Variants in ZNF385B observed in about 807,000 individuals in gnomAD.
The protein encoded by ZNF385B is zinc finger protein 385B, also known as zinc finger protein 533.
In ZNF385B, 23 loss-of-function variants were observed where a neutral mutation model predicts 39.2. That is an observed-to-expected ratio of 0.59 (90% CI 0.42 to 0.83). The LOEUF is 0.83. Ranked by LOEUF, ZNF385B falls within the 40% of genes least tolerant of loss-of-function variation. The probability of loss-of-function intolerance (pLI) is 0.00; values close to 1 mark genes in which losing one functional copy is unlikely to be tolerated. For synonymous variants in ZNF385B, 205 were observed against 222.6 expected, an observed-to-expected ratio of 0.92 and a Z score of 0.70; for missense variants, 552 against 598.9, an observed-to-expected ratio of 0.92 and a Z score of 0.82.
chr2:179,557,570 ATGT>A (rs2061009939), intron 3 of ZNF385B, among the ~76,000 whole-genome samples: 2 of 92,166 alleles, frequency 2.2e-5, no homozygotes, highest in African/African-American at 4.0e-5. Context: ...TTATATATGT[ATGT>A]TATATACATG....
chr2:179,818,007 G>A (rs1256956067), intron 1 of ZNF385B, among the ~76,000 whole-genome samples: 1 of 151,978 alleles, frequency 6.6e-6, no homozygotes, highest in Non-Finnish European at 1.5e-5. Flanking sequence ...CCATGTATGG[G>A]GAGAAGGGAG....
chr2:179,574,854 G>A (rs1175243711), intron 3 of ZNF385B, among the ~76,000 whole-genome samples: 1 of 152,112 alleles, frequency 6.6e-6, no homozygotes, highest in Non-Finnish European at 1.5e-5. Context: ...TGCTTCCCTT[G>A]CTCTCTCACT....
At chr2:179,648,520 C>A (rs1575084453) in intron 3 of ZNF385B, among the ~76,000 whole-genome samples, 1 of 152,082 alleles carries the variant, frequency 6.6e-6, no homozygotes, top group East Asian at 1.9e-4. Context: ...TTGCTCCGAG[C>A]ACTGGCCACT....
intron 6 of ZNF385B, 25 bp downstream of exon 6, chr2:179,483,247 G>C: frequency 6.2e-7 from 1 of 1,612,940 alleles, no homozygotes; most frequent in Non-Finnish European, 8.5e-7. Context: ...CACAAAGAAT[G>C]TAAAGAACAA....
chr2:179,599,526 T>C (rs1320915652), intron 3 of ZNF385B, among the ~76,000 whole-genome samples: 2 of 152,220 alleles, frequency 1.3e-5, no homozygotes, highest in African/African-American at 4.8e-5. Context: ...AATGTTTTTA[T>C]AGTTTTATGT....
intron 1 of ZNF385B, among the ~76,000 whole-genome samples, chr2:179,807,582 C>T (rs1706434290): frequency 6.7e-6 from 1 of 150,328 alleles, no homozygotes; most frequent in Admixed American, 6.7e-5. Flanking sequence ...GACTCCATCC[C>T]CTCCCCCGCC....
intron 3 of ZNF385B, among the ~76,000 whole-genome samples, chr2:179,556,081 C>T (rs1260797873): frequency 6.7e-6 from 1 of 148,662 alleles, no homozygotes; most frequent in African/African-American, 2.5e-5. Flanking sequence ...ATGAATCTTT[C>T]ACCGAGATGC....
At chr2:179,725,325 A>G (rs887155551) in intron 3 of ZNF385B, among the ~76,000 whole-genome samples, 2 of 151,954 alleles carry the variant, frequency 1.3e-5, no homozygotes, top group African/African-American at 4.8e-5. Context: ...TAAATGAAAA[A>G]CTGCTTTAAC....
intron 6 of ZNF385B, among the ~76,000 whole-genome samples, chr2:179,450,125 G>A (rs2049946650): frequency 6.6e-6 from 1 of 151,814 alleles, no homozygotes; most frequent in South Asian, 2.1e-4. Flanking sequence ...AGACTTAAAT[G>A]TTAGACCTAA....
At chr2:179,679,601 ATTGTTGTTGTTGTTGTTGTTG>A (rs71401757) in intron 3 of ZNF385B, among the ~76,000 whole-genome samples, 1 of 150,262 alleles carries the variant, frequency 6.7e-6, no homozygotes, top group African/African-American at 2.5e-5. Flanking sequence ...AACAGCTATT[ATTGTTGTTGTTGTTGTTGTTG>A]TTGTTGTTGT....
intron 3 of ZNF385B, among the ~76,000 whole-genome samples, chr2:179,646,226 C>A (rs1359327820): frequency 2.0e-5 from 3 of 152,148 alleles, no homozygotes; most frequent in Admixed American, 6.5e-5. Context: ...ACCAGCCTGG[C>A]CAACATGGTG....
intron 3 of ZNF385B, among the ~76,000 whole-genome samples, chr2:179,551,872 T>A (rs764200282): frequency 6.6e-6 from 1 of 152,010 alleles, no homozygotes; most frequent in Non-Finnish European, 1.5e-5. Context: ...CATTTGGGGA[T>A]CTCCTTTAGT....
intron 3 of ZNF385B, among the ~76,000 whole-genome samples, chr2:179,748,318 C>A (rs1485811445): frequency 6.6e-6 from 1 of 152,034 alleles, no homozygotes; most frequent in Non-Finnish European, 1.5e-5. Context: ...TCATTGATCA[C>A]CTAAACTCTA....
chr2:179,757,465 G>GGTTTGA (rs1703111684), intron 3 of ZNF385B, among the ~76,000 whole-genome samples: 1 of 152,164 alleles, frequency 6.6e-6, no homozygotes, highest in South Asian at 2.1e-4. Context: ...TCCATGCTGG[G>GGTTTGA]AGAACCACTA....
rs192734922 is a variant in ZNF385B, at chr2:179,808,276, C to T, written c.-154-37604G>A. Among the ~76,000 whole-genome samples the T allele has an allele frequency of 3.8e-3, 577 of 152,314 alleles. 3 individuals carry two copies. The highest frequency in any genetic ancestry group is 0.01 in the Admixed American group (159 of 15,304). ...CTCGATCTCCTGACCTTGTGATCCG[C>T]CCGCCTTGGCCTCCCAAAGTGCTGG... On this transcript the variant is annotated intron_variant, in intron 1 of 9. Transcript: ENST00000410066.
chr2:179,638,967 C>A (rs1292706870), intron 3 of ZNF385B, among the ~76,000 whole-genome samples: 2 of 151,954 alleles, frequency 1.3e-5, no homozygotes, highest in Non-Finnish European at 2.9e-5. Context: ...GTCTGTAATT[C>A]AAACACTTTG....
chr2:179,653,058 G>C (rs1477344857), intron 3 of ZNF385B, among the ~76,000 whole-genome samples: 1 of 152,014 alleles, frequency 6.6e-6, no homozygotes, highest in African/African-American at 2.4e-5. Flanking sequence ...TTAAGTAATT[G>C]ACTAAAGTAA....
chr2:179,788,719 C>G (rs140507547), intron 1 of ZNF385B, among the ~76,000 whole-genome samples: 1 of 152,046 alleles, frequency 6.6e-6, no homozygotes, highest in East Asian at 1.9e-4. Flanking sequence ...AATCAAAATC[C>G]GAGACTGTTC....
At chr2:179,818,132 A>G (rs987302565) in intron 1 of ZNF385B, among the ~76,000 whole-genome samples, 15 of 152,086 alleles carry the variant, frequency 9.9e-5, no homozygotes, top group African/African-American at 3.6e-4. Context: ...GGGTGTGCAT[A>G]TATCAGCATC....
Sources: allele counts gnomAD v4.1 joint callset (sites outside exome capture counted in the v4.1 genomes callset), GRCh38; gene constraint gnomAD v4.1.1; transcripts MANE v1.5; gene names NCBI Gene and HGNC (gene_info 2026-07-23, HGNC 2026-07-21).